ACAP2: variants seen among roughly 807,000 people sequenced by gnomAD.
ACAP2 encodes arf-GAP with coiled-coil, ANK repeat and PH domain-containing protein 2.
A neutral mutation model predicts 115.8 loss-of-function variants in ACAP2; 39 were observed. The observed-to-expected ratio is 0.34, with a 90% confidence interval of 0.26 to 0.44. ACAP2 has a LOEUF of 0.44. Ranked by LOEUF, ACAP2 falls within the 20% of genes least tolerant of loss-of-function variation. The pLI, the probability that ACAP2 is intolerant of heterozygous loss-of-function variation, is 1.00. For synonymous variants in ACAP2, 289 were observed against 315.8 expected (o/e 0.92, Z 0.90); for missense variants, 662 against 927.6 (o/e 0.71, Z 3.72).
Position 195,442,957 on chromosome 3 carries a change from G to T in ACAP2, c.-110C>A, listed in dbSNP as rs986581022. 5.8e-6 allele frequency: 6 copies of T among 1,031,736 alleles called. No homozygotes were observed. In the African/African-American group the frequency reaches 8.5e-5, roughly 15 times the overall value. 63.9% of individuals were successfully genotyped at this position (1,031,736 alleles called of 1,614,324 possible). A position where few individuals can be genotyped will look rare whatever the true frequency, so the allele number is the denominator to read the frequency against. ...CGCACGGCCGCGACTAGCGTTGCGCGGAGCTGCGAAGGGCGCCTCGCCCGC... is the reference window on the plus strand; with the variant it reads ...CGCACGGCCGCGACTAGCGTTGCGCTGAGCTGCGAAGGGCGCCTCGCCCGC... On this transcript the variant is annotated 5_prime_UTR_variant, in exon 1 of 23. Transcript: ENST00000326793.
At chr3:195,391,255 G>T (rs531041700) in intron 2 of ACAP2, among the ~76,000 whole-genome samples, 26 of 138,744 alleles carry the variant, frequency 1.9e-4, no homozygotes, top group Admixed American at 4.6e-4. Context: ...TTGAGATGGA[G>T]TTTCACTCTT....
At chr3:195,409,976 T>C (rs2108808587) in intron 1 of ACAP2, among the ~76,000 whole-genome samples, 1 of 150,302 alleles carries the variant, frequency 6.7e-6, no homozygotes, top group Middle Eastern at 3.4e-3. Context: ...AAAACAATCC[T>C]GAAAAAGAAA....
chr3:195,350,199 C>G (rs911202493), intron 4 of ACAP2, among the ~76,000 whole-genome samples: 1 of 152,128 alleles, frequency 6.6e-6, no homozygotes, highest in Non-Finnish European at 1.5e-5. Context: ...CACTCCAAAT[C>G]TCAGTAGAAA....
intron 21 of ACAP2, among the ~76,000 whole-genome samples, 156 bp downstream of exon 21, chr3:195,288,965 G>A (rs534970728): frequency 6.4e-4 from 97 of 152,200 alleles, no homozygotes; most frequent in Non-Finnish European, 1.1e-3. Flanking sequence ...GAGGAGGTAT[G>A]TAAGTTATAT....
At position 195,308,843 on chromosome 3, in the gene ACAP2, G is replaced by C. The variant is rs905400168; in HGVS notation, c.858-6C>G. 1 of 1,604,662 alleles carries C rather than the reference G, an allele frequency of 6.2e-7. No individual in the cohort carries two copies. Among genetic ancestry groups the C allele is most frequent in the Non-Finnish European group, 8.5e-7 (1 of 1,176,996 alleles). On this transcript the variant is annotated splice_polypyrimidine_tract_variant and splice_region_variant and intron_variant, in intron 10 of 22. Transcript: ENST00000326793. ...TCTGTATTGAAAACCAGCGCCTACA[G>C]AAACACAAAATAGATTAAGTTTTCA...
At chr3:195,341,211 C>T (rs78314675) in intron 6 of ACAP2, among the ~76,000 whole-genome samples, 186 of 152,052 alleles carry the variant, frequency 1.2e-3, no homozygotes, top group African/African-American at 4.1e-3. Context: ...CCTTTGGAGA[C>T]CTATCACTTT....
intron 1 of ACAP2, among the ~76,000 whole-genome samples, chr3:195,434,500 T>C (rs1300709903): frequency 6.6e-6 from 1 of 152,206 alleles, no homozygotes; most frequent in Non-Finnish European, 1.5e-5. Context: ...CCTCCCAAAG[T>C]GCTGGGAATA....
At chr3:195,359,916 A>C (rs1336058328) in intron 4 of ACAP2, among the ~76,000 whole-genome samples, 1 of 152,242 alleles carries the variant, frequency 6.6e-6, no homozygotes, top group Non-Finnish European at 1.5e-5. Context: ...AAAGCAAGAA[A>C]AGAAAACATA....
intron 1 of ACAP2, chr3:195,410,627 G>A (rs976297177): frequency 2.0e-5 from 3 of 152,420 alleles, no homozygotes; most frequent in East Asian, 1.9e-4. Context: ...GACGATATAC[G>A]ACTGGCCAAT....
chr3:195,387,800 A>C (rs1038381345), intron 2 of ACAP2, among the ~76,000 whole-genome samples: 1 of 152,236 alleles, frequency 6.6e-6, no homozygotes, highest in Non-Finnish European at 1.5e-5. Context: ...AGGAGCTAAC[A>C]GTCTGTTGAA....
chr3:195,400,231 T>C (rs1388136229), intron 1 of ACAP2, among the ~76,000 whole-genome samples: 10 of 150,532 alleles, frequency 6.6e-5, no homozygotes, highest in Non-Finnish European at 1.5e-4. Context: ...TGTGTGTGTA[T>C]ATATATATAT....
intron 1 of ACAP2, among the ~76,000 whole-genome samples, chr3:195,435,267 C>G (rs909434946): frequency 3.3e-5 from 5 of 150,532 alleles, no homozygotes; most frequent in Non-Finnish European, 5.9e-5. Context: ...CTCTGCCCCC[C>G]GGGTTCAAGT....
chr3:195,403,331 A>G (rs1162856099), intron 1 of ACAP2, among the ~76,000 whole-genome samples: 1 of 152,258 alleles, frequency 6.6e-6, no homozygotes, highest in African/African-American at 2.4e-5. Context: ...CATAGCAACG[A>G]TAACAGCAGC....
At chr3:195,424,915 TAAAAAAA>T (rs34038109) in intron 1 of ACAP2, among the ~76,000 whole-genome samples, 13 of 55,642 alleles carry the variant, frequency 2.3e-4, no homozygotes, top group East Asian at 5.1e-4. Context: ...GACCCTGTCT[TAAAAAAA>T]AAAAAAAAAA....
chr3:195,302,151 T>C lies in ACAP2; in HGVS notation c.1140A>G (p.Pro380=). ...TTCCAGAATCTAGGCTTCCTGTGGATGGAGATGATTTCTTATCCAGCTTCT... is the reference window on the plus strand; with the variant it reads ...TTCCAGAATCTAGGCTTCCTGTGGACGGAGATGATTTCTTATCCAGCTTCT... ...ESEKLDKKSS[P]STGSLDSGNE... is the part of the protein sequence containing the mutation. Residue 380 remains proline (P), a synonymous_variant, in exon 14 of 23, where the codon CCA becomes CCG. Coordinates refer to ENST00000326793, the MANE Select transcript of ACAP2 (RefSeq NM_012287.6). 1 of 1,613,528 alleles carries C rather than the reference T, an allele frequency of 6.2e-7. No homozygotes were observed. The highest frequency in any genetic ancestry group is 8.5e-7 in the Non-Finnish European group (1 of 1,179,904).
rs1199720211 is a variant in ACAP2 at position 195,420,386 on chromosome 3, T to A, written c.53+22409A>T. Among the ~76,000 whole-genome samples, 3 of 152,302 alleles carry A rather than the reference T, an allele frequency of 2.0e-5. No individual in the cohort carries two copies. The East Asian group carries it at 5.8e-4, about 29-fold the overall frequency. Reference sequence around the variant, plus strand: ...TTTTTTGAGACGGAGTCTCACTCTGTCTCCCAGGCTGGAGTGCAGTGGCGC... The same window carrying A: ...TTTTTTGAGACGGAGTCTCACTCTGACTCCCAGGCTGGAGTGCAGTGGCGC... On this transcript the variant is annotated intron_variant, in intron 1 of 22. Coordinates refer to ENST00000326793, the MANE Select transcript of ACAP2 (RefSeq NM_012287.6).
rs185232039 is a variant in ACAP2, at chr3:195,436,004, C to T, written c.53+6791G>A. Among the ~76,000 whole-genome samples the T allele has an allele frequency of 7.2e-5, 11 of 151,754 alleles. No individual in the cohort carries two copies. The East Asian group carries it at 1.7e-3, about 24-fold the overall frequency. On this transcript the variant is annotated intron_variant, in intron 1 of 22. Coordinates refer to ENST00000326793, the MANE Select transcript of ACAP2 (RefSeq NM_012287.6). ...TCTGCCTGCAATGCTGTTTTTGTTT[C>T]GTGTATTTTGGAGCTCAGCTAAGTG...
intron 1 of ACAP2, 21 bp from the exon 2 acceptor site, chr3:195,392,168 ATAAGT>A: frequency 6.3e-7 from 1 of 1,591,056 alleles, no homozygotes; most frequent in Non-Finnish European, 8.6e-7. Flanking sequence ...TAAATATAAA[ATAAGT>A]TATTTCGTTT....
chr3:195,375,716 G>A (rs1437920465), intron 4 of ACAP2, among the ~76,000 whole-genome samples: 2 of 152,104 alleles, frequency 1.3e-5, no homozygotes, highest in Non-Finnish European at 2.9e-5. Context: ...GAAGGCTGAG[G>A]CTCCTAGGAG....
Sources: allele counts gnomAD v4.1 joint callset (sites outside exome capture counted in the v4.1 genomes callset), GRCh38; gene constraint gnomAD v4.1.1; transcripts MANE v1.5; gene names NCBI Gene and HGNC (gene_info 2026-07-23, HGNC 2026-07-21).